CPLANE1: variants seen among roughly 807,000 people sequenced by gnomAD.
CPLANE1 encodes the protein ciliogenesis and planar polarity effector complex subunit 1, also known as ciliogenesis and planar polarity effector 1.
In CPLANE1, 263 loss-of-function variants were observed where a neutral mutation model predicts 362.5. The observed-to-expected ratio is 0.73, with a 90% CI of 0.66 to 0.80. The LOEUF is 0.80. Ranked by LOEUF, CPLANE1 falls within the 30% of genes least tolerant of loss-of-function variation. CPLANE1 has a pLI of 0.00. For missense variants in CPLANE1, 3,461 were observed against 3,793.4 expected (o/e 0.91, Z 2.30); for synonymous variants, 1,212 against 1,302.6 (o/e 0.93, Z 1.50).
intron 42 of CPLANE1, among the ~76,000 whole-genome samples, chr5:37,152,636 C>G (rs1490743311): frequency 6.6e-6 from 1 of 152,080 alleles, no homozygotes; most frequent in East Asian, 1.9e-4. Flanking sequence ...CATCTACAAT[C>G]CCAACACTTT....
intron 46 of CPLANE1, among the ~76,000 whole-genome samples, chr5:37,137,343 C>T (rs1249026220): frequency 1.3e-5 from 2 of 152,228 alleles, no homozygotes; most frequent in Non-Finnish European, 2.9e-5. Flanking sequence ...ATATTGCTAT[C>T]AGGCTTTTGG....
At chr5:37,166,451 T>C (rs1778269469) in intron 35 of CPLANE1, among the ~76,000 whole-genome samples, 1 of 152,192 alleles carries the variant, frequency 6.6e-6, no homozygotes, top group South Asian at 2.1e-4. Context: ...AGTTCAACCA[T>C]GGTTCGAAAA....
chr5:37,141,295 C>T (rs1346802177), intron 44 of CPLANE1: 1 of 985,208 alleles, frequency 1.0e-6, no homozygotes, highest in Admixed American at 6.2e-5. Flanking sequence ...AATTAGAACC[C>T]TCTACCATCT....
At chr5:37,211,157 AG>A in intron 16 of CPLANE1, 1 of 1,252,664 alleles carries the variant, frequency 8.0e-7, no homozygotes, top group Non-Finnish European at 1.2e-6. Flanking sequence ...AACAGGAAAA[AG>A]TTCTAGCAGG....
At chr5:37,196,254 C>T (rs1282775727) in intron 20 of CPLANE1, among the ~76,000 whole-genome samples, 1 of 151,294 alleles carries the variant, frequency 6.6e-6, no homozygotes, top group Non-Finnish European at 1.5e-5. Context: ...GAATTTAATG[C>T]TATTTTTCCC....
chr5:37,224,906 C>T (rs1796110322), intron 12 of CPLANE1, among the ~76,000 whole-genome samples, 166 bp from the exon 13 acceptor site: 1 of 150,546 alleles, frequency 6.6e-6, no homozygotes, highest in African/African-American at 2.4e-5. Flanking sequence ...TAAAAAATGC[C>T]TTATATAAAA....
At chr5:37,211,964 A>G (rs1444635796) in intron 16 of CPLANE1, 1 of 878,316 alleles carries the variant, frequency 1.1e-6, no homozygotes, top group African/African-American at 1.6e-5. Context: ...ATCAGCACCC[A>G]AGTGTAGATC....
At chr5:37,197,412 C>A (rs149859966) in intron 20 of CPLANE1, among the ~76,000 whole-genome samples, 2 of 152,076 alleles carry the variant, frequency 1.3e-5, no homozygotes, top group African/African-American at 4.8e-5. Context: ...AGAGAGAGAG[C>A]CAGCAAAGAA....
At chr5:37,240,004 A>G in intron 6 of CPLANE1, 135 bp from the exon 7 acceptor site, 1 of 546,714 alleles carries the variant, frequency 1.8e-6, no homozygotes, top group Non-Finnish European at 3.0e-6. Context: ...TTTAGAGACT[A>G]TGTTAATCCA....
chr5:37,217,487 A>G (rs1794352302), intron 15 of CPLANE1, among the ~76,000 whole-genome samples: 1 of 151,714 alleles, frequency 6.6e-6, no homozygotes, highest in Non-Finnish European at 1.5e-5. Flanking sequence ...CACGCTTGTA[A>G]TCCCAGCTAC....
At chr5:37,243,376 C>A (rs1324723584) in intron 5 of CPLANE1, among the ~76,000 whole-genome samples, 1 of 151,798 alleles carries the variant, frequency 6.6e-6, no homozygotes, top group Non-Finnish European at 1.5e-5. Flanking sequence ...TGAAAATATT[C>A]TTACATATTT....
chr5:37,107,721 C>G lies in CPLANE1; in HGVS notation c.9637G>C (p.Asp3213His). The change falls in exon 53 of 53, where the codon GAC (aspartate) becomes CAC (histidine). Residue 3213 changes from aspartate to histidine, a missense_variant. Around this residue, in one of 2 missense-constraint regions of CPLANE1, gnomAD observed 81 missense variants for 127.3 expected, o/e 0.64. Transcript: ENST00000651892. ...PEHPFGVGGVDSVSESTGSIL... is the reference protein window; with the variant it reads ...PEHPFGVGGVHSVSESTGSIL... ...CTGCCAGTGCTCTCAGACACGCTGTCCACACCGCCCACCCCAAAAGGATGC... is the reference window on the plus strand; with the variant it reads ...CTGCCAGTGCTCTCAGACACGCTGTGCACACCGCCCACCCCAAAAGGATGC... The G allele has an allele frequency of 6.2e-7, 1 of 1,612,034 alleles. No individual in the cohort carries two copies. Among genetic ancestry groups the G allele is most frequent in the South Asian group, 1.1e-5 (1 of 90,452 alleles).
At chr5:37,099,475 G>A in the CPLANE1 span, among the ~76,000 whole-genome samples, 4 of 152,082 alleles carry the variant, frequency 2.6e-5, no homozygotes, top group Admixed American at 6.6e-5. Context: ...ACATGATCTC[G>A]TTACTTTTTA....
Position 37,184,846 on chromosome 5 carries a change from C to G in CPLANE1, c.4423G>C (p.Asp1475His), listed in dbSNP as rs1783563344. ...LGDSVVHSDA[D>H]TFSEALSVEE... ...ACCGACAAAGCTTCAGAGAACGTAT[C>G]TGCATCACTGTGAACCACAGAATCT... The change falls in exon 25 of 53, where the codon GAT (aspartate) becomes CAT (histidine). Residue 1475 changes from aspartate to histidine, a missense_variant. Physicochemically the swap from Asp to His is moderately conservative, Grantham distance 81. Around this residue, in one of 2 missense-constraint regions of CPLANE1, gnomAD observed 3,380 missense variants for 3,666.1 expected, o/e 0.92. Transcript: ENST00000651892. The G allele has an allele frequency of 6.2e-7, 1 of 1,613,950 alleles. No individual in the cohort carries two copies. The highest frequency in any genetic ancestry group is 1.7e-5 in the Admixed American group (1 of 59,992).
At chr5:37,219,708 C>G (rs1431920310) in intron 15 of CPLANE1, among the ~76,000 whole-genome samples, 1 of 151,504 alleles carries the variant, frequency 6.6e-6, no homozygotes, top group Non-Finnish European at 1.5e-5. Flanking sequence ...ACAAAATGTA[C>G]AATAATGGGA....
chr5:37,099,037 C>T, the CPLANE1 span, among the ~76,000 whole-genome samples: 1 of 149,524 alleles, frequency 6.7e-6, no homozygotes, highest in Admixed American at 6.7e-5. Flanking sequence ...GAAGGAAAGA[C>T]ATTATAAAGA....
Position 37,153,725 on chromosome 5 carries a change from A to T in CPLANE1, c.8373+15T>A. 6.3e-7 allele frequency: 1 copy of T among 1,586,134 alleles called. No individual in the cohort carries two copies. Among genetic ancestry groups the T allele is most frequent in the Non-Finnish European group, 8.6e-7 (1 of 1,160,880 alleles). On this transcript the variant is annotated intron_variant, in intron 42 of 52. Transcript: ENST00000651892. ...TTCAGTAGCAAACAAAAAACTAAAAATAAAGGTAGTCTACCTTATCACAAT... is the reference window on the plus strand; with the variant it reads ...TTCAGTAGCAAACAAAAAACTAAAATTAAAGGTAGTCTACCTTATCACAAT...
chr5:37,082,734 G>A, the CPLANE1 span, among the ~76,000 whole-genome samples: 1 of 148,458 alleles, frequency 6.7e-6, no homozygotes, highest in East Asian at 2.0e-4. Flanking sequence ...AAAGTGAAGG[G>A]ATGGAAAGAG....
chr5:37,148,202 T>C lies in CPLANE1; in HGVS notation c.8440A>G (p.Thr2814Ala). ...PEFKKTLASK[T>A]ISISEEVRFL... ...AAACCTTCTTCAGAAATGCTAATGG[T>C]TTTTGAAGCTAATGTTTTTTTGAAT... Residue 2814 changes from threonine (T) to alanine (A), a missense_variant, in exon 43 of 53, where the codon ACC (threonine) becomes GCC (alanine). Physicochemically the swap from Thr to Ala is moderately conservative, Grantham distance 58. This residue lies in a region of CPLANE1 where 3,380 missense variants were observed against 3,666.1 expected (regional missense o/e 0.92). Coordinates refer to ENST00000651892, the MANE Select transcript of CPLANE1 (RefSeq NM_001384732.1). The C allele has an allele frequency of 6.2e-7, 1 of 1,613,144 alleles. No individual in the cohort carries two copies. Among genetic ancestry groups the C allele is most frequent in the Non-Finnish European group, 8.5e-7 (1 of 1,179,454 alleles).
Sources: gnomAD v4.1 joint callset for allele counts (sites outside exome capture counted in the v4.1 genomes callset) on GRCh38, gnomAD v4.1.1 for gene constraint, gnomAD v4.1.1 regional missense constraint, MANE v1.5 for transcripts, NCBI Gene and HGNC (gene_info 2026-07-23, HGNC 2026-07-21) for gene names.